Variants in CSGALNACT1 observed in about 807,000 individuals in gnomAD.
CSGALNACT1 encodes the protein chondroitin sulfate N-acetylgalactosaminyltransferase 1.
Under a neutral mutation model 51.0 loss-of-function variants are expected in CSGALNACT1, and 52 were observed. That is an observed-to-expected ratio of 1.02 (90% CI 0.82 to 1.29). The LOEUF is 1.29. Among genes scored for constraint, CSGALNACT1 ranks in the 50% most tolerant of loss-of-function variants. The probability of loss-of-function intolerance (pLI) is 0.00; values close to 1 mark genes in which losing one functional copy is unlikely to be tolerated. For missense variants in CSGALNACT1, 935 were observed against 679.2 expected (o/e 1.38, Z -4.19); for synonymous variants, 341 against 254.4 (o/e 1.34, Z -3.24).
intron 4 of CSGALNACT1, among the ~76,000 whole-genome samples, chr8:19,480,915 C>T (rs370053371): frequency 1.5e-4 from 23 of 152,128 alleles, no homozygotes; most frequent in African/African-American, 4.3e-4. Context: ...CAGGCAATAT[C>T]GACTCATTCC....
chr8:19,452,752 A>T (rs13266068), intron 5 of CSGALNACT1, among the ~76,000 whole-genome samples: 1 of 151,996 alleles, frequency 6.6e-6, no homozygotes, highest in Admixed American at 6.6e-5. Flanking sequence ...CAAGTATGAT[A>T]CCTCTACCCC....
chr8:19,753,801 T>C (rs2065190235), intron 1 of CSGALNACT1, among the ~76,000 whole-genome samples: 2 of 152,386 alleles, frequency 1.3e-5, no homozygotes, highest in South Asian at 2.1e-4. Context: ...TGTTTGTTTA[T>C]ATACATTGTC....
At chr8:19,699,640 G>C (rs1263796542) in intron 1 of CSGALNACT1, among the ~76,000 whole-genome samples, 1 of 152,150 alleles carries the variant, frequency 6.6e-6, no homozygotes, top group Non-Finnish European at 1.5e-5. Context: ...TGGTTAATGA[G>C]GAACAGGAGT....
At chr8:19,569,668 ACT>A (rs1377762424) in intron 3 of CSGALNACT1, among the ~76,000 whole-genome samples, 1 of 152,132 alleles carries the variant, frequency 6.6e-6, no homozygotes, top group Non-Finnish European at 1.5e-5. Flanking sequence ...CCAATCTGTA[ACT>A]CTGTTTATCA....
intron 3 of CSGALNACT1, among the ~76,000 whole-genome samples, chr8:19,529,608 G>T (rs747801905): frequency 6.6e-6 from 1 of 152,090 alleles, no homozygotes; most frequent in South Asian, 2.1e-4. Context: ...AGCAGTGAAT[G>T]AAAAAGTGGT....
chr8:19,734,014 G>C (rs928276952), intron 1 of CSGALNACT1, among the ~76,000 whole-genome samples: 2 of 152,280 alleles, frequency 1.3e-5, no homozygotes, highest in East Asian at 1.9e-4. Context: ...AGGGCTATCT[G>C]TTCACCCCCC....
chr8:19,682,238 G>T (rs1203052881), intron 1 of CSGALNACT1, among the ~76,000 whole-genome samples: 1 of 152,090 alleles, frequency 6.6e-6, no homozygotes, highest in Non-Finnish European at 1.5e-5. Flanking sequence ...TTGTACTCCT[G>T]CCTCGGGTCC....
intron 1 of CSGALNACT1, among the ~76,000 whole-genome samples, chr8:19,708,953 G>A (rs2154229585): frequency 6.6e-6 from 1 of 152,218 alleles, no homozygotes; most frequent in Non-Finnish European, 1.5e-5. Flanking sequence ...CTCAGAGCCT[G>A]TTTCACCATC....
chr8:19,447,218 G>T (rs1380353071), intron 5 of CSGALNACT1, among the ~76,000 whole-genome samples: 2 of 152,190 alleles, frequency 1.3e-5, no homozygotes, highest in African/African-American at 4.8e-5. Context: ...AGCTCCCCAG[G>T]TCACCTGAGC....
intron 3 of CSGALNACT1, among the ~76,000 whole-genome samples, chr8:19,516,941 A>T (rs11782972): frequency 0.16 from 23,645 of 151,990 alleles, 2,191 homozygotes; most frequent in Non-Finnish European, 0.21. Flanking sequence ...AGCCACATTT[A>T]TTTCCTGTTC....
At chr8:19,572,159 T>C (rs2043184678) in intron 3 of CSGALNACT1, among the ~76,000 whole-genome samples, 1 of 152,218 alleles carries the variant, frequency 6.6e-6, no homozygotes, top group African/African-American at 2.4e-5. Flanking sequence ...AAAATAATCA[T>C]GTTTTCATAT....
At chr8:19,741,041 G>A (rs2064279902) in intron 1 of CSGALNACT1, among the ~76,000 whole-genome samples, 1 of 152,180 alleles carries the variant, frequency 6.6e-6, no homozygotes, top group African/African-American at 2.4e-5. Flanking sequence ...AATGGAGGAA[G>A]CAAGTCAAAA....
chr8:19,443,763 G>A (rs2061690148), intron 5 of CSGALNACT1, among the ~76,000 whole-genome samples: 2 of 152,260 alleles, frequency 1.3e-5, no homozygotes, highest in Non-Finnish European at 2.9e-5. Context: ...ATGAGGGACT[G>A]ATTCCAGAAA....
intron 3 of CSGALNACT1, among the ~76,000 whole-genome samples, chr8:19,531,241 A>T (rs1450701590): frequency 6.6e-6 from 1 of 152,210 alleles, no homozygotes; most frequent in Non-Finnish European, 1.5e-5. Flanking sequence ...TTGAAACCCC[A>T]AAAGCACAAG....
chr8:19,612,578 T>A (rs2052415362), intron 1 of CSGALNACT1, among the ~76,000 whole-genome samples: 1 of 151,956 alleles, frequency 6.6e-6, no homozygotes, highest in South Asian at 2.1e-4. Context: ...ACTCTAACCA[T>A]CTTTTTCACG....
At chr8:19,619,252 G>GC (rs906634380) in intron 1 of CSGALNACT1, among the ~76,000 whole-genome samples, 16 of 148,312 alleles carry the variant, frequency 1.1e-4, no homozygotes, top group Middle Eastern at 3.4e-3. Flanking sequence ...CAGGGTCGGG[G>GC]GGGGGTGGGC....
intron 1 of CSGALNACT1, among the ~76,000 whole-genome samples, chr8:19,608,578 C>G (rs1008071655): frequency 6.6e-6 from 1 of 152,232 alleles, no homozygotes; most frequent in Non-Finnish European, 1.5e-5. Context: ...ATTACTGGCT[C>G]AGTTTTTAAA....
intron 6 of CSGALNACT1, among the ~76,000 whole-genome samples, chr8:19,436,738 C>T (rs998463816): frequency 6.6e-6 from 1 of 152,004 alleles, no homozygotes; most frequent in Non-Finnish European, 1.5e-5. Flanking sequence ...GAGACACTGG[C>T]TCTACAAAAA....
At position 19,469,628 on chromosome 8, in the gene CSGALNACT1, G is replaced by A. The variant is rs145897246; in HGVS notation, c.635-10986C>T. 3.6e-3 allele frequency among the ~76,000 whole-genome samples: 543 copies of A among 152,170 alleles called. 2 individuals are homozygous for A. Among genetic ancestry groups the A allele is most frequent in the African/African-American group, 0.012 (508 of 41,504 alleles). ...TCTGCCCTTTCTTTCTGCTCTGTCT[G>A]GGACACTTCCCCAGGTCTGGCACGG... On this transcript the variant is annotated intron_variant, in intron 4 of 9. Coordinates refer to ENST00000454498, the Ensembl canonical transcript of CSGALNACT1.
Sources: gnomAD v4.1 joint callset for allele counts (sites outside exome capture counted in the v4.1 genomes callset) on GRCh38, gnomAD v4.1.1 for gene constraint, MANE v1.5 for transcripts, NCBI Gene and HGNC (gene_info 2026-07-23, HGNC 2026-07-21) for gene names.